TJP1: variants seen among roughly 807,000 people sequenced by gnomAD.
TJP1 encodes tight junction protein 1, also known as tight junction protein ZO-1.
Under a neutral mutation model 194.2 loss-of-function variants are expected in TJP1, and 43 were observed. The observed-to-expected ratio is 0.22, with a 90% CI of 0.17 to 0.29. The LOEUF (loss-of-function observed/expected upper bound fraction) is 0.29, where lower values mean the gene tolerates loss of function less well. Among genes scored for constraint, TJP1 ranks in the 10% least tolerant of loss-of-function variants. The pLI is 1.00. For missense variants in TJP1, 1,971 were observed against 2,185.7 expected, an observed-to-expected ratio of 0.90 and a Z score of 1.96; for synonymous variants, 801 against 779.0, an observed-to-expected ratio of 1.03 and a Z score of -0.47.
At chr15:29,699,990 C>A, downstream of TJP1, 1 of 287,408 alleles carries the variant, frequency 3.5e-6, no homozygotes. Context: ...CACTGCCCAC[C>A]CATCTGTACA....
chr15:29,732,721 T>C lies in TJP1; in HGVS notation c.1831A>G (p.Lys611Glu). Residue 611 changes from lysine to glutamate, a missense_variant, in exon 14 of 28, where the codon AAG (lysine) becomes GAG (glutamate). Lys to Glu is a moderately conservative substitution (Grantham distance 56). Transcript: ENST00000614355. Reference protein sequence around the residue: ...FWRFRGLRSSKRNLRKSREDL... With the variant: ...FWRFRGLRSSERNLRKSREDL... ...TCTCTGCTTTTTCGAAGATTTCTCT[T>C]GGAGCTGCGAAGACCTCTGAATCTC... The C allele has an allele frequency of 2.5e-6, 4 of 1,614,194 alleles. No individual in the cohort carries two copies. The highest frequency in any genetic ancestry group is 3.4e-6 in the Non-Finnish European group (4 of 1,180,024).
intron 8 of TJP1, among the ~76,000 whole-genome samples, chr15:29,755,698 C>T (rs12101706): frequency 0.032 from 4,944 of 152,248 alleles, 273 homozygotes; most frequent in African/African-American, 0.11. Flanking sequence ...ATAAACTGGA[C>T]TGTTTTTCTA....
intron 1 of TJP1, among the ~76,000 whole-genome samples, chr15:29,811,155 G>A (rs1434548299): frequency 1.3e-5 from 2 of 152,098 alleles, no homozygotes; most frequent in Non-Finnish European, 2.9e-5. Context: ...AAGATACGAT[G>A]TGGCTAGAGG....
intron 2 of TJP1, among the ~76,000 whole-genome samples, chr15:29,783,251 GC>G (rs1252275126): frequency 2.0e-5 from 3 of 152,030 alleles, no homozygotes; most frequent in African/African-American, 7.2e-5. Context: ...TCCAGCCTGG[GC>G]AAAAAGAGCA....
chr15:29,722,739 A>G (rs148917014), intron 18 of TJP1, among the ~76,000 whole-genome samples: 133 of 152,314 alleles, frequency 8.7e-4, no homozygotes, highest in African/African-American at 2.9e-3. Context: ...GAAAAGCCAC[A>G]GGCACACAAT....
chr15:29,806,576 T>G (rs2049122815), intron 1 of TJP1, among the ~76,000 whole-genome samples: 1 of 152,218 alleles, frequency 6.6e-6, no homozygotes, highest in South Asian at 2.1e-4. Context: ...TTCTCATTCC[T>G]TCTGAACTCC....
intron 2 of TJP1, among the ~76,000 whole-genome samples, chr15:29,830,409 T>A (rs887047755): frequency 6.7e-6 from 1 of 150,298 alleles, no homozygotes; most frequent in African/African-American, 2.4e-5. Flanking sequence ...TATTAGCAAT[T>A]AACACACATC....
At chr15:29,748,961 TGTGCGCGC>T (rs777117174) in intron 8 of TJP1, among the ~76,000 whole-genome samples, 1 of 149,814 alleles carries the variant, frequency 6.7e-6, no homozygotes, top group African/African-American at 2.5e-5. Context: ...TGTGCGCGTG[TGTGCGCGC>T]GCGCGTTTGC....
At chr15:29,894,128 G>A (rs1365765840) in intron 2 of TJP1, among the ~76,000 whole-genome samples, 1 of 152,174 alleles carries the variant, frequency 6.6e-6, no homozygotes, top group Non-Finnish European at 1.5e-5. Flanking sequence ...GATACATATT[G>A]AAGGATGTGC....
intron 8 of TJP1, among the ~76,000 whole-genome samples, chr15:29,757,928 C>G (rs1324424046): frequency 6.6e-6 from 1 of 152,206 alleles, no homozygotes; most frequent in African/African-American, 2.4e-5. Flanking sequence ...TCCTATTCCT[C>G]AGACGACTAA....
At chr15:29,900,617 C>T (rs1726319396) in intron 2 of TJP1, among the ~76,000 whole-genome samples, 1 of 152,144 alleles carries the variant, frequency 6.6e-6, no homozygotes, top group Admixed American at 6.5e-5. Flanking sequence ...AGGTTTCTGG[C>T]CTCAACAAGT....
intron 4 of TJP1, among the ~76,000 whole-genome samples, chr15:29,768,239 T>C (rs1405605833): frequency 6.6e-6 from 1 of 152,138 alleles, no homozygotes; most frequent in Non-Finnish European, 1.5e-5. Flanking sequence ...GGCCAGCATG[T>C]GAAAAGGAGG....
intron 2 of TJP1, among the ~76,000 whole-genome samples, chr15:29,857,060 G>C (rs1029269506): frequency 1.3e-5 from 2 of 152,092 alleles, no homozygotes; most frequent in Admixed American, 1.3e-4. Context: ...TTTTATATAA[G>C]GAACTTGAAC....
At chr15:29,711,484 G>A (rs2042240689) in intron 23 of TJP1, among the ~76,000 whole-genome samples, 1 of 152,120 alleles carries the variant, frequency 6.6e-6, no homozygotes, top group Admixed American at 6.6e-5. Context: ...TTCTGCCTCA[G>A]CCTCCCGAGT....
intron 20 of TJP1, 36 bp from the exon 21 acceptor site, chr15:29,719,174 G>T: frequency 3.9e-6 from 6 of 1,527,794 alleles, no homozygotes; most frequent in Non-Finnish European, 5.3e-6. Context: ...ACAAAGTCTT[G>T]TTTCTAATTC....
chr15:29,949,451 ACC>A (rs2055476021), intron 2 of TJP1, among the ~76,000 whole-genome samples: 2 of 126,418 alleles, frequency 1.6e-5, no homozygotes, highest in African/African-American at 3.1e-5. Flanking sequence ...CTCCACCTTC[ACC>A]ACCACTTCCA....
At chr15:29,867,753 G>A (rs1329317826) in intron 2 of TJP1, among the ~76,000 whole-genome samples, 3 of 151,964 alleles carry the variant, frequency 2.0e-5, no homozygotes, top group African/African-American at 4.8e-5. Flanking sequence ...CCCTGTCCCT[G>A]CAAAACATTT....
chr15:29,720,942 A>G (rs1415657750), intron 18 of TJP1, among the ~76,000 whole-genome samples: 5 of 152,146 alleles, frequency 3.3e-5, no homozygotes, highest in Non-Finnish European at 1.5e-5. Context: ...GTAAGCCAGG[A>G]CAAAGTTAGA....
chr15:29,761,767 T>C lies in TJP1; in HGVS notation c.696A>G (p.Ile232Met). 1 of 1,535,962 alleles carries C rather than the reference T, an allele frequency of 6.5e-7. No individual in the cohort carries two copies. Among genetic ancestry groups the C allele is most frequent in the Non-Finnish European group, 8.8e-7 (1 of 1,130,028 alleles). Residue 232 changes from isoleucine (I) to methionine (M), a missense_variant and splice_region_variant, in exon 7 of 28, where the codon ATA becomes ATG. This residue lies in a region of TJP1 where 245 missense variants were observed against 336.6 expected (regional missense o/e 0.73). Transcript: ENST00000614355. ...NIQEGDVVLK[I>M]NGTVTENMSL... ...ACATATTTTCTGTCACAGTACCATT[T>C]ATCTGCAACAGAAAATAAATTACAG...
Sources: allele counts gnomAD v4.1 joint callset (sites outside exome capture counted in the v4.1 genomes callset), GRCh38; gene constraint gnomAD v4.1.1; regional missense constraint gnomAD v4.1.1; transcripts MANE v1.5; gene names NCBI Gene and HGNC (gene_info 2026-07-23, HGNC 2026-07-21).